Variants in SPOCK1 observed in about 807,000 individuals in gnomAD.
SPOCK1 encodes the protein testican-1.
A neutral mutation model predicts 55.3 loss-of-function variants in SPOCK1; 23 were observed. The observed-to-expected ratio is 0.42, with a 90% CI of 0.30 to 0.59. SPOCK1 has a LOEUF of 0.59. SPOCK1 is among the 20% of genes least tolerant of loss of function. The pLI, the probability that SPOCK1 is intolerant of heterozygous loss-of-function variation, is 0.22. For synonymous variants in SPOCK1, 226 were observed against 221.0 expected (o/e 1.02, Z -0.20); for missense variants, 499 against 552.5 (o/e 0.90, Z 0.97).
At chr5:137,025,017 T>C (rs750517245) in intron 6 of SPOCK1, among the ~76,000 whole-genome samples, 31 of 152,316 alleles carry the variant, frequency 2.0e-4, no homozygotes, top group Non-Finnish European at 3.5e-4. Flanking sequence ...GAAGGATACA[T>C]ACTGCATGAT....
intron 5 of SPOCK1, among the ~76,000 whole-genome samples, chr5:137,069,426 C>G (rs952471698): frequency 2.6e-5 from 4 of 152,176 alleles, no homozygotes. Context: ...CCATTGCCCA[C>G]GTCTCACACA....
At position 137,457,061 on chromosome 5, in the gene SPOCK1, T is replaced by A. The variant is rs181608588; in HGVS notation, c.186+41312A>T. Among the ~76,000 whole-genome samples the A allele has an allele frequency of 4.6e-3, 708 of 152,322 alleles. 5 individuals carry two copies. Among genetic ancestry groups the A allele is most frequent in the African/African-American group, 0.016 (676 of 41,578 alleles). ...TGGGGCTCTCAGTTTAGCTTGATAT[T>A]CAGTAGAGAATAAATTGAAATTTGA... On this transcript the variant is annotated intron_variant, in intron 2 of 10. Transcript: ENST00000394945.
At chr5:137,495,114 T>C (rs772112475) in intron 2 of SPOCK1, among the ~76,000 whole-genome samples, 3 of 152,200 alleles carry the variant, frequency 2.0e-5, no homozygotes, top group Non-Finnish European at 4.4e-5. Context: ...CACAAATACA[T>C]TTAGGAGCAA....
At chr5:137,307,089 T>G (rs1467475258) in intron 2 of SPOCK1, among the ~76,000 whole-genome samples, 1 of 152,230 alleles carries the variant, frequency 6.6e-6, no homozygotes, top group East Asian at 1.9e-4. Flanking sequence ...GCCTCAATGC[T>G]CTTGCCTGTA....
At chr5:137,292,629 G>A (rs1757395606) in intron 2 of SPOCK1, among the ~76,000 whole-genome samples, 1 of 152,062 alleles carries the variant, frequency 6.6e-6, no homozygotes, top group Non-Finnish European at 1.5e-5. Flanking sequence ...TTCTGCACAT[G>A]AATCTCTACA....
At chr5:137,082,487 C>A (rs1752892227) in intron 5 of SPOCK1, among the ~76,000 whole-genome samples, 1 of 152,148 alleles carries the variant, frequency 6.6e-6, no homozygotes, top group Admixed American at 6.5e-5. Context: ...GGTGAGAACA[C>A]AAACCCTGTG....
intron 2 of SPOCK1, among the ~76,000 whole-genome samples, chr5:137,382,764 T>A (rs1005347614): frequency 3.9e-5 from 6 of 152,126 alleles, no homozygotes; most frequent in African/African-American, 1.4e-4. Context: ...CAATTTGACA[T>A]GAGATTTCGG....
At chr5:137,221,329 G>A (rs187717504) in intron 3 of SPOCK1, among the ~76,000 whole-genome samples, 35 of 152,262 alleles carry the variant, frequency 2.3e-4, no homozygotes, top group South Asian at 4.1e-4. Context: ...ACTGCCATGT[G>A]CATCCAGCTG....
intron 3 of SPOCK1, among the ~76,000 whole-genome samples, chr5:137,148,785 G>T (rs1281026522): frequency 6.6e-6 from 1 of 152,148 alleles, no homozygotes; most frequent in Non-Finnish European, 1.5e-5. Flanking sequence ...GCCTGTTTGT[G>T]GTCACACAGC....
At chr5:137,393,697 T>C (rs2127180488) in intron 2 of SPOCK1, among the ~76,000 whole-genome samples, 1 of 152,354 alleles carries the variant, frequency 6.6e-6, no homozygotes, top group Non-Finnish European at 1.5e-5. Flanking sequence ...TTTCTAATAA[T>C]TGTTCAACTA....
chr5:137,116,864 G>A (rs536793609), intron 4 of SPOCK1, among the ~76,000 whole-genome samples: 1 of 152,040 alleles, frequency 6.6e-6, no homozygotes, highest in East Asian at 1.9e-4. Context: ...CCATCATGTG[G>A]GTTTTCCTTG....
At chr5:137,056,635 C>T (rs898090972) in intron 6 of SPOCK1, among the ~76,000 whole-genome samples, 4 of 151,536 alleles carry the variant, frequency 2.6e-5, no homozygotes, top group African/African-American at 7.3e-5. Context: ...AGTCATTTTC[C>T]GGAGTATTTC....
intron 3 of SPOCK1, among the ~76,000 whole-genome samples, chr5:137,209,259 T>C (rs1478256051): frequency 3.9e-5 from 6 of 152,232 alleles, no homozygotes; most frequent in Admixed American, 3.9e-4. Context: ...CTGTTTTTAC[T>C]ATCTCCTATC....
rs73297900 is a variant in SPOCK1 at position 137,158,034 on chromosome 5, C to T, written c.233-17340G>A. ...CAGAGATTGTGCCATTGCACTCCAG[C>T]CTAGGCAGCAAGAGGGAGACTCCAT... On this transcript the variant is annotated intron_variant, in intron 3 of 10. Transcript: ENST00000394945. Among the ~76,000 whole-genome samples the T allele has an allele frequency of 6.5e-3, 992 of 152,266 alleles. 9 individuals carry two copies. The highest frequency in any genetic ancestry group is 0.022 in the African/African-American group (913 of 41,542).
At chr5:137,087,321 C>T (rs1364867175) in intron 5 of SPOCK1, among the ~76,000 whole-genome samples, 2 of 152,200 alleles carry the variant, frequency 1.3e-5, no homozygotes, top group Admixed American at 6.5e-5. Context: ...GCTGCATGAA[C>T]TCAAACAAGG....
chr5:137,259,626 C>G (rs1175205759), intron 3 of SPOCK1, among the ~76,000 whole-genome samples: 3 of 139,884 alleles, frequency 2.1e-5, no homozygotes, highest in Non-Finnish European at 4.6e-5. Context: ...TGCCCCAGAA[C>G]TTAAAGTATA....
intron 6 of SPOCK1, among the ~76,000 whole-genome samples, chr5:137,010,528 G>A (rs772069503): frequency 6.6e-6 from 1 of 151,988 alleles, no homozygotes; most frequent in Non-Finnish European, 1.5e-5. Context: ...TCCTGGGAGG[G>A]TGACACTATC....
At chr5:137,266,908 C>T (rs558565733) in intron 3 of SPOCK1, 102 bp downstream of exon 3, 8 of 988,412 alleles carry the variant, frequency 8.1e-6, no homozygotes, top group Admixed American at 6.3e-5. Context: ...AAAATAACAC[C>T]GCTAGCTGGC....
rs1214132178 is a variant in SPOCK1, at chr5:137,140,566, C to G, written c.347+14G>C. The G allele has an allele frequency of 6.2e-6, 10 of 1,607,370 alleles. No homozygotes were observed. The highest frequency in any genetic ancestry group is 1.1e-5 in the South Asian group (1 of 89,890). On this transcript the variant is annotated intron_variant, in intron 4 of 10. Transcript: ENST00000394945. ...ATGCCTCCCAGCCCCCAGCCCCCGG[C>G]CTTCCTGCCTTACCTGGGGAGCAGG...
Sources: gnomAD v4.1 joint callset for allele counts (sites outside exome capture counted in the v4.1 genomes callset) on GRCh38, gnomAD v4.1.1 for gene constraint, MANE v1.5 for transcripts, NCBI Gene and HGNC (gene_info 2026-07-23, HGNC 2026-07-21) for gene names.